Variants in GRB10 observed in about 807,000 individuals in gnomAD.
GRB10 encodes growth factor receptor-bound protein 10.
A neutral mutation model predicts 80.9 loss-of-function variants in GRB10; 20 were observed. The observed-to-expected ratio is 0.25, with a 90% CI of 0.17 to 0.36. The LOEUF (loss-of-function observed/expected upper bound fraction) is 0.36, where lower values mean the gene tolerates loss of function less well. Among genes scored for constraint, GRB10 ranks in the 10% least tolerant of loss-of-function variants. The pLI, the probability that GRB10 is intolerant of heterozygous loss-of-function variation, is 1.00. For missense variants in GRB10, 548 were observed against 747.7 expected (o/e 0.73, Z 3.12); for synonymous variants, 291 against 291.5 (o/e 1.00, Z 0.02).
At chr7:50,722,953 C>A (rs777201434) in intron 4 of GRB10, among the ~76,000 whole-genome samples, 1 of 152,124 alleles carries the variant, frequency 6.6e-6, no homozygotes, top group South Asian at 2.1e-4. Flanking sequence ...GCCACATTTA[C>A]GCCTTAGAAA....
intron 13 of GRB10, among the ~76,000 whole-genome samples, chr7:50,611,600 G>A (rs1419990367): frequency 1.3e-5 from 2 of 152,182 alleles, no homozygotes; most frequent in Non-Finnish European, 2.9e-5. Context: ...ATGGCACTAG[G>A]ATGTATCCTT....
At chr7:50,775,651 T>TAGCAGGG (rs1318132947) in intron 2 of GRB10, among the ~76,000 whole-genome samples, 1 of 152,218 alleles carries the variant, frequency 6.6e-6, no homozygotes, top group Non-Finnish European at 1.5e-5. Context: ...GGCATTATCC[T>TAGCAGGG]AGCAGGGAGT....
At chr7:50,731,446 G>A (rs2069709403) in intron 4 of GRB10, among the ~76,000 whole-genome samples, 1 of 152,102 alleles carries the variant, frequency 6.6e-6, no homozygotes, top group Non-Finnish European at 1.5e-5. Flanking sequence ...GCTGACCACA[G>A]CCTGAACATA....
chr7:50,778,705 G>A (rs368495735), intron 2 of GRB10, among the ~76,000 whole-genome samples: 4 of 152,330 alleles, frequency 2.6e-5, no homozygotes, highest in African/African-American at 9.6e-5. Context: ...AAGCCCCACT[G>A]GGACATCTTT....
chr7:50,603,941 T>C (rs1401428425), intron 17 of GRB10, 57 bp downstream of exon 17: 1 of 1,305,318 alleles, frequency 7.7e-7, no homozygotes, highest in Non-Finnish European at 1.1e-6. Context: ...ACAGAACAGA[T>C]CCCCAGCACA....
chr7:50,720,999 GAAAA>G (rs2067627487), intron 4 of GRB10, among the ~76,000 whole-genome samples: 10 of 1,816 alleles, frequency 5.5e-3, no homozygotes, highest in Non-Finnish European at 7.8e-3. Context: ...GTGCCAGAAA[GAAAA>G]GAAAAGAAAC....
rs1190398109 is a variant in GRB10, at chr7:50,606,372, T to G, written c.1237A>C (p.Arg413=). 1.1e-5 allele frequency: 17 copies of G among 1,614,014 alleles called. No individual in the cohort carries two copies. The highest frequency in any genetic ancestry group is 1.4e-5 in the Non-Finnish European group (16 of 1,179,964). ...LYQNYRIPQQ[R]KALLSPFSTP... is the part of the protein sequence containing the mutation. Reference sequence around the variant, plus strand: ...GAGAACGGGGACAGCAAGGCCTTCCTCTGCTGAGGGATTCGGTAATTCTGG... The same window carrying G: ...GAGAACGGGGACAGCAAGGCCTTCCGCTGCTGAGGGATTCGGTAATTCTGG... Residue 413 remains arginine (R), a synonymous_variant, in exon 14 of 19, where the codon AGG becomes CGG. Transcript: ENST00000401949.
intron 7 of GRB10, among the ~76,000 whole-genome samples, chr7:50,640,600 A>G (rs1375191035): frequency 6.6e-6 from 1 of 152,226 alleles, no homozygotes; most frequent in Non-Finnish European, 1.5e-5. Flanking sequence ...ACATTGCTAC[A>G]AAACTTGACC....
At chr7:50,626,620 T>C (rs1393503333) in intron 8 of GRB10, among the ~76,000 whole-genome samples, 1 of 152,198 alleles carries the variant, frequency 6.6e-6, no homozygotes, top group African/African-American at 2.4e-5. Flanking sequence ...CAAGGCAAGA[T>C]TCCCAAAGTA....
At chr7:50,714,348 C>A (rs920151771) in intron 4 of GRB10, among the ~76,000 whole-genome samples, 15 of 152,172 alleles carry the variant, frequency 9.9e-5, no homozygotes, top group African/African-American at 3.1e-4. Flanking sequence ...AAGTTATAGT[C>A]AAATTATATT....
chr7:50,696,228 C>T (rs2063397855), intron 5 of GRB10, among the ~76,000 whole-genome samples: 1 of 152,146 alleles, frequency 6.6e-6, no homozygotes, highest in South Asian at 2.1e-4. Flanking sequence ...AATGTATGAC[C>T]TTTGCAAGGC....
chr7:50,592,890 C>G lies in GRB10; in HGVS notation c.*62G>C, dbSNP rs1290520013. The G allele has an allele frequency of 6.3e-7, 1 of 1,585,572 alleles. No homozygotes were observed. The highest frequency in any genetic ancestry group is 8.7e-7 in the Non-Finnish European group (1 of 1,155,058). On this transcript the variant is annotated 3_prime_UTR_variant, in exon 19 of 19. Transcript: ENST00000401949. ...TCGATGTGTGTTCTTCACCAACGCA[C>G]AGACCGCTTCTTCACTCCAGTGTTC...
chr7:50,629,148 G>A (rs1183002867), intron 7 of GRB10, among the ~76,000 whole-genome samples: 1 of 152,148 alleles, frequency 6.6e-6, no homozygotes, highest in Non-Finnish European at 1.5e-5. Context: ...CTGCACTGAG[G>A]ATACATGATC....
chr7:50,646,708 G>A (rs774823570), intron 7 of GRB10, among the ~76,000 whole-genome samples: 36 of 152,104 alleles, frequency 2.4e-4, no homozygotes, highest in Non-Finnish European at 4.9e-4. Flanking sequence ...GGGGTAGAGT[G>A]GGAAAAAGTT....
intron 17 of GRB10, among the ~76,000 whole-genome samples, chr7:50,598,783 T>G (rs763430008): frequency 6.6e-6 from 1 of 152,164 alleles, no homozygotes; most frequent in Non-Finnish European, 1.5e-5. Context: ...TTTCTGCGGT[T>G]GGGAGAAGGG....
chr7:50,769,814 GC>G (rs1383551445), intron 2 of GRB10, among the ~76,000 whole-genome samples: 1 of 151,084 alleles, frequency 6.6e-6, no homozygotes, highest in African/African-American at 2.5e-5. Context: ...AAAAAAAAAA[GC>G]CAGCCTTCTT....
chr7:50,736,627 TA>T (rs891178970), intron 3 of GRB10, among the ~76,000 whole-genome samples: 56 of 151,994 alleles, frequency 3.7e-4, no homozygotes, highest in Admixed American at 2.6e-4. Flanking sequence ...ACACCGCCTC[TA>T]AAAAAATTAG....
At chr7:50,693,191 T>G (rs2153659890) in intron 5 of GRB10, among the ~76,000 whole-genome samples, 1 of 152,322 alleles carries the variant, frequency 6.6e-6, no homozygotes, top group East Asian at 1.9e-4. Flanking sequence ...CCTCGGCACC[T>G]AATGTTGCTA....
At chr7:50,791,511 G>A (rs181537092) in intron 1 of GRB10, among the ~76,000 whole-genome samples, 2 of 152,306 alleles carry the variant, frequency 1.3e-5, no homozygotes, top group Admixed American at 6.5e-5. Context: ...GTATGACCTC[G>A]GGCATGCCAA....
Sources: allele counts gnomAD v4.1 joint callset (sites outside exome capture counted in the v4.1 genomes callset), GRCh38; gene constraint gnomAD v4.1.1; transcripts MANE v1.5; gene names NCBI Gene and HGNC (gene_info 2026-07-23, HGNC 2026-07-21).